The following MISFA variants were observed in gnomAD, a reference collection of about 807,000 sequenced individuals.
The protein encoded by MISFA is mitochondrial sheath formation-associated protein.
chr11:18,609,046 A>G, the MISFA span: 1 of 152,586 alleles, frequency 6.6e-6, no homozygotes, highest in South Asian at 2.1e-4. Flanking sequence ...TACTCTTTCA[A>G]ATCTAATGTT....
chr11:18,607,340 A>G, the MISFA span: 1 of 152,868 alleles, frequency 6.5e-6, no homozygotes, highest in East Asian at 1.9e-4. Flanking sequence ...TAGCAATATC[A>G]AAAGCAAGTG....
the MISFA span, chr11:18,609,866 G>A: frequency 1.3e-5 from 21 of 1,613,854 alleles, no homozygotes; most frequent in Middle Eastern, 1.6e-4. Context: ...AGCAGCTAAC[G>A]CCTCTTCAGC....
chr11:18,600,062 G>A, the MISFA span: 1 of 398,802 alleles, frequency 2.5e-6, no homozygotes, highest in Non-Finnish European at 4.4e-6. Context: ...CTTCCTGTCT[G>A]GGTTTTCTGA....
At chr11:18,607,338 T>A in the MISFA span, 1 of 152,764 alleles carries the variant, frequency 6.5e-6, no homozygotes, top group African/African-American at 2.4e-5. Context: ...CATAGCAATA[T>A]CAAAAGCAAG....
At chr11:18,600,428 C>T in the MISFA span, among the ~76,000 whole-genome samples, 2 of 151,376 alleles carry the variant, frequency 1.3e-5, no homozygotes. Flanking sequence ...GTCTCAAAGT[C>T]CTGACCTCAG....
At chr11:18,602,508 C>G in the MISFA span, 8 of 152,606 alleles carry the variant, frequency 5.2e-5, no homozygotes, top group African/African-American at 1.9e-4. Flanking sequence ...AATGAGTAAA[C>G]AGACAGCCCA....
the MISFA span, chr11:18,601,435 T>TTAATAGCA: frequency 2.5e-6 from 1 of 398,232 alleles, no homozygotes; most frequent in Non-Finnish European, 4.4e-6. Context: ...TATTATACTA[T>TTAATAGCA]TAATAGCATT....
the MISFA span, among the ~76,000 whole-genome samples, chr11:18,605,573 T>C: frequency 7.2e-5 from 11 of 152,284 alleles, no homozygotes; most frequent in East Asian, 2.1e-3. Flanking sequence ...TAAGCAAAAC[T>C]TTAGTAATTT....
the MISFA span, chr11:18,602,422 C>T: frequency 6.6e-6 from 1 of 152,554 alleles, no homozygotes; most frequent in Non-Finnish European, 1.5e-5. Flanking sequence ...TGCATTAGCC[C>T]AAAGCAGTCA....
the MISFA span, chr11:18,601,649 G>T: frequency 2.5e-6 from 1 of 395,658 alleles, no homozygotes; most frequent in Non-Finnish European, 4.4e-6. Context: ...GCCTCAAGTG[G>T]TCCCCCAGCC....
the MISFA span, chr11:18,600,005 A>C: frequency 2.5e-6 from 1 of 398,906 alleles, no homozygotes; most frequent in Non-Finnish European, 4.4e-6. Context: ...ATGGTAAGTA[A>C]TGGCTCTGCC....
the MISFA span, chr11:18,603,267 A>G: frequency 2.5e-6 from 1 of 398,702 alleles, no homozygotes; most frequent in South Asian, 1.3e-4. Flanking sequence ...CAAACTAAGT[A>G]TGAAAATCCA....
At chr11:18,609,749 T>C in the MISFA span, 1 of 862,044 alleles carries the variant, frequency 1.2e-6, no homozygotes, top group Admixed American at 2.5e-5. Flanking sequence ...GCATTCCTTC[T>C]CCTTGAGTAC....
chr11:18,599,904 C>T, the MISFA span: 1 of 398,948 alleles, frequency 2.5e-6, no homozygotes, highest in Non-Finnish European at 4.4e-6. Flanking sequence ...GCAATTTTAT[C>T]TTAGAAATTG....
chr11:18,601,712 GA>G, the MISFA span: 1 of 393,906 alleles, frequency 2.5e-6, no homozygotes, highest in Non-Finnish European at 4.5e-6. Flanking sequence ...GCCTTGCCAG[GA>G]CCAGCATTTT....
chr11:18,606,868 CT>C, the MISFA span: 2,553 of 312,496 alleles, frequency 8.2e-3, no homozygotes, highest in South Asian at 0.014. Flanking sequence ...TTCCCACATT[CT>C]TTTTTTTTTG....
the MISFA span, among the ~76,000 whole-genome samples, chr11:18,605,138 G>T: frequency 0.021 from 3,245 of 152,204 alleles, 46 homozygotes; most frequent in African/African-American, 0.041. Context: ...AGCTACTTGG[G>T]AGGCTGAGGC....
the MISFA span, chr11:18,603,333 T>C: frequency 7.6e-6 from 3 of 396,094 alleles, no homozygotes; most frequent in African/African-American, 4.1e-5. Flanking sequence ...TTACTGTAGC[T>C]GTTGGGAGGG....
At chr11:18,608,359 TGAA>T in the MISFA span, 2 of 152,600 alleles carry the variant, frequency 1.3e-5, no homozygotes, top group African/African-American at 4.8e-5. Context: ...TACCCAAACT[TGAA>T]GAATAAAGAC....
Sources: allele counts gnomAD v4.1 joint callset (sites outside exome capture counted in the v4.1 genomes callset), GRCh38; gene constraint gnomAD v4.1.1; transcripts MANE v1.5; gene names NCBI Gene and HGNC (gene_info 2026-07-23, HGNC 2026-07-21).